The following UGT1A5 variants were observed in gnomAD, a reference collection of about 807,000 sequenced individuals.
UGT1A5 encodes the protein UDP-glucuronosyltransferase 1A5.
In UGT1A5, 29 loss-of-function variants were observed where a neutral mutation model predicts 40.3. The ratio of observed to expected loss-of-function variants is 0.72; its 90% CI spans 0.54 to 0.98. UGT1A5 has a LOEUF of 0.98. UGT1A5 is among the 50% of genes least tolerant of loss of function. The pLI is 0.00. For missense variants in UGT1A5, 678 were observed against 677.9 expected, an observed-to-expected ratio of 1.00 and a Z score of 0.00; for synonymous variants, 257 against 262.5, an observed-to-expected ratio of 0.98 and a Z score of 0.20.
chr2:233,741,159 G>T (rs1330355973), intron 1 of UGT1A5, among the ~76,000 whole-genome samples: 1 of 151,856 alleles, frequency 6.6e-6, no homozygotes, highest in Non-Finnish European at 1.5e-5. Flanking sequence ...CACTAATCCA[G>T]GATATATCAA....
Position 233,712,926 on chromosome 2 carries a change from C to T in UGT1A5, c.-66C>T, listed in dbSNP as rs185804410. ...TGTCTCAGTGACAAGGTAATTAAGA[C>T]GAAGGAAACAATTCTAGGAGGCACA... On this transcript the variant is annotated 5_prime_UTR_variant, in exon 1 of 5. It adds an upstream start codon to the 5' untranslated region. Transcript: ENST00000373414. 3.1e-4 allele frequency: 497 copies of T among 1,611,970 alleles called. 2 individuals carry two copies. In the African/African-American group the frequency reaches 4.1e-3, roughly 13 times the overall value.
intron 1 of UGT1A5, among the ~76,000 whole-genome samples, chr2:233,751,173 T>C (rs1694658856): frequency 6.6e-6 from 1 of 151,974 alleles, no homozygotes; most frequent in Non-Finnish European, 1.5e-5. Context: ...GACCTAGATA[T>C]GAGACATGAA....
At position 233,729,693 on chromosome 2, in the gene UGT1A5, C is replaced by T. The variant is rs45474199; in HGVS notation, c.867+15835C>T. On this transcript the variant is annotated intron_variant, in intron 1 of 4. Coordinates refer to ENST00000373414, the MANE Select transcript of UGT1A5 (RefSeq NM_019078.2). ...ACTTTAAGGGCACACAGTGTCCAAA[C>T]CCTTCCTCCTATATTCCTAGATTAC... 1,325 of 1,613,958 alleles carry T rather than the reference C, an allele frequency of 8.2e-4. 6 individuals carry two copies. Among genetic ancestry groups the T allele is most frequent in the South Asian group, 5.6e-3 (506 of 91,066 alleles).
In UGT1A5 at chr2:233,761,113, G is replaced by C. The variant is rs72551345; in HGVS notation, c.868-5921G>C. 5.6e-6 allele frequency: 9 copies of C among 1,614,106 alleles called. No homozygotes were observed. In the South Asian group the frequency reaches 9.9e-5, roughly 18 times the overall value. ...CATCATGCCCAATATGGTTTTTGTT[G>C]GTGGAATCAACTGCCTTCACCAAAA... On this transcript the variant is annotated intron_variant, in intron 1 of 4. Coordinates refer to ENST00000373414, the MANE Select transcript of UGT1A5 (RefSeq NM_019078.2).
intron 1 of UGT1A5, chr2:233,729,180 T>G: frequency 6.2e-6 from 10 of 1,613,900 alleles, no homozygotes; most frequent in Non-Finnish European, 7.6e-6. Context: ...GACTGCTGCT[T>G]CTCCTCAGTG....
rs1696611113 is a variant in UGT1A5 at position 233,757,545 on chromosome 2, T to TATAC, written c.868-9486_868-9485insCATA. 2.9e-4 allele frequency among the ~76,000 whole-genome samples: 19 copies of TATAC among 65,910 alleles called. 1 individual carries two copies. The highest frequency in any genetic ancestry group is 6.3e-4 in the African/African-American group (10 of 15,854). The allele number at this position is 65,910 out of a possible 152,430, so 43.2% of individuals were successfully genotyped here. On this transcript the variant is annotated intron_variant, in intron 1 of 4. Coordinates refer to ENST00000373414, the MANE Select transcript of UGT1A5 (RefSeq NM_019078.2). ...ATCTTGCCTGTAAGGAATATATATA[T>TATAC]ATATATATATATATATGTATATATG...
At chr2:233,760,848 C>T (rs1237758968) in intron 1 of UGT1A5, 1 of 1,613,934 alleles carries the variant, frequency 6.2e-7, no homozygotes, top group African/African-American at 1.3e-5. Flanking sequence ...CCCAGTGCCC[C>T]AACCCATTCT....
At chr2:233,743,187 A>G (rs904489240) in intron 1 of UGT1A5, 11 of 373,380 alleles carry the variant, frequency 2.9e-5, no homozygotes, top group Middle Eastern at 3.7e-4. Flanking sequence ...GTGGACTGGA[A>G]TTACTTGGTG....
chr2:233,713,140 A>G lies in UGT1A5; in HGVS notation c.149A>G (p.Asp50Gly), dbSNP rs759679762. 6.2e-7 allele frequency: 1 copy of G among 1,614,108 alleles called. No homozygotes were observed. Among genetic ancestry groups the G allele is most frequent in the South Asian group, 1.1e-5 (1 of 91,072 alleles). ...HWLSMREALR[D>G]LHARGHQVVV... ...CTCAGCATGCGGGAGGCCTTGCGGG[A>G]CCTCCATGCGAGAGGCCACCAGGTG... The change falls in exon 1 of 5, where the codon GAC (aspartate) becomes GGC (glycine). Residue 50 changes from aspartate to glycine, a missense_variant. Physicochemically the swap from Asp to Gly is moderately conservative, Grantham distance 94. Coordinates refer to ENST00000373414, the MANE Select transcript of UGT1A5 (RefSeq NM_019078.2).
rs1260954458 is a variant in UGT1A5, at chr2:233,760,768, G to A, written c.868-6266G>A. ...TTTCCTTCCTTGCAGCCCCATCGTG[G>A]CCCAGTACCTGTCTCTGCCCACTGT... is the stretch of plus-strand genomic sequence containing the variant. On this transcript the variant is annotated intron_variant, in intron 1 of 4. Coordinates refer to ENST00000373414, the MANE Select transcript of UGT1A5 (RefSeq NM_019078.2). 3.1e-6 allele frequency: 5 copies of A among 1,613,838 alleles called. 1 individual carries two copies. The highest frequency in any genetic ancestry group is 3.4e-6 in the Non-Finnish European group (4 of 1,179,918).
intron 1 of UGT1A5, among the ~76,000 whole-genome samples, chr2:233,746,352 C>T (rs540725782): frequency 6.6e-6 from 1 of 151,844 alleles, no homozygotes; most frequent in African/African-American, 2.4e-5. Flanking sequence ...TTATGTTGCT[C>T]CTTTAGTAAC....
In UGT1A5 at chr2:233,757,560, A is replaced by ATATG. The variant is rs904896556; in HGVS notation, c.868-9473_868-9472insATGT. On this transcript the variant is annotated intron_variant, in intron 1 of 4. Transcript: ENST00000373414. The stretch of plus-strand genomic sequence containing the variant: ...AATATATATATATATATATATATAT[A>ATATG]TGTATATATGATATAGCTATAGTCT... 2.4e-4 allele frequency among the ~76,000 whole-genome samples: 29 copies of ATATG among 123,152 alleles called. 1 individual carries two copies. The highest frequency in any genetic ancestry group is 9.5e-4 in the African/African-American group (28 of 29,358). 80.8% of individuals were successfully genotyped at this position (123,152 alleles called of 152,430 possible). A position where few individuals can be genotyped will look rare whatever the true frequency, so the allele number is the denominator to read the frequency against.
chr2:233,735,677 C>A (rs1321375160), intron 1 of UGT1A5, among the ~76,000 whole-genome samples: 1 of 152,088 alleles, frequency 6.6e-6, no homozygotes. Context: ...TTAGTGCTTC[C>A]TTTAGGAGCT....
intron 1 of UGT1A5, chr2:233,743,987 G>T: frequency 7.8e-7 from 1 of 1,278,832 alleles, no homozygotes; most frequent in South Asian, 1.3e-5. Flanking sequence ...CCAGGCGCAG[G>T]CCCGAGTGCT....
At chr2:233,765,660 C>G (rs1450693381) in intron 1 of UGT1A5, among the ~76,000 whole-genome samples, 1 of 151,428 alleles carries the variant, frequency 6.6e-6, no homozygotes, top group South Asian at 2.1e-4. Flanking sequence ...GTGCAGCAAA[C>G]CACCATGGCA....
chr2:233,772,230 T>C (rs1167373810), intron 4 of UGT1A5, 32 bp from the exon 5 acceptor site: 1 of 1,613,798 alleles, frequency 6.2e-7, no homozygotes. Flanking sequence ...CCACAGGTGT[T>C]CCAGGCATAA....
chr2:233,765,534 C>G (rs1303263434), intron 1 of UGT1A5, among the ~76,000 whole-genome samples: 1 of 152,060 alleles, frequency 6.6e-6, no homozygotes, highest in African/African-American at 2.4e-5. Context: ...CATGTTCTCA[C>G]TCATAAGTGG....
chr2:233,719,282 T>C, intron 1 of UGT1A5: 1 of 1,614,148 alleles, frequency 6.2e-7, no homozygotes, highest in Non-Finnish European at 8.5e-7. Context: ...CAGACCCCGT[T>C]AACCTCTGTG....
intron 1 of UGT1A5, among the ~76,000 whole-genome samples, chr2:233,720,100 C>T (rs1458548805): frequency 2.0e-5 from 3 of 152,132 alleles, no homozygotes; most frequent in African/African-American, 7.2e-5. Flanking sequence ...TTAGTGGTCC[C>T]ATCTTGCGAA....
Sources: allele counts gnomAD v4.1 joint callset (sites outside exome capture counted in the v4.1 genomes callset), GRCh38; gene constraint gnomAD v4.1.1; transcripts MANE v1.5; gene names NCBI Gene and HGNC (gene_info 2026-07-23, HGNC 2026-07-21).